Variants in TBC1D2 observed in about 807,000 individuals in gnomAD.
TBC1D2 encodes the protein TBC1 domain family member 2A.
A neutral mutation model predicts 91.1 loss-of-function variants in TBC1D2; 58 were observed. The ratio of observed to expected loss-of-function variants is 0.64; its 90% CI spans 0.52 to 0.79. The LOEUF (loss-of-function observed/expected upper bound fraction) is 0.79, where lower values mean the gene tolerates loss of function less well. Among genes scored for constraint, TBC1D2 ranks in the 30% least tolerant of loss-of-function variants. The pLI, the probability that TBC1D2 is intolerant of heterozygous loss-of-function variation, is 0.00. For synonymous variants in TBC1D2, 482 were observed against 511.5 expected (o/e 0.94, Z 0.78); for missense variants, 1,080 against 1,208.3 (o/e 0.89, Z 1.57).
At chr9:98,200,419 C>CA in intron 11 of TBC1D2, 45 bp from the exon 12 acceptor site, 1 of 1,558,806 alleles carries the variant, frequency 6.4e-7, no homozygotes, top group Non-Finnish European at 8.7e-7. Flanking sequence ...GGGGGCCAGG[C>CA]AGGTCATCCC....
At chr9:98,230,450 T>G (rs1829339567) in intron 4 of TBC1D2, among the ~76,000 whole-genome samples, 1 of 152,202 alleles carries the variant, frequency 6.6e-6, no homozygotes, top group Non-Finnish European at 1.5e-5. Context: ...ACCTATTTCT[T>G]GGGACTAAAG....
intron 9 of TBC1D2, 45 bp from the exon 10 acceptor site, chr9:98,203,453 C>T (rs1271526267): frequency 6.2e-7 from 1 of 1,607,680 alleles, no homozygotes; most frequent in South Asian, 1.1e-5. Flanking sequence ...AAGCCGTGGC[C>T]CTGCCAGGCA....
At chr9:98,250,051 C>A (rs1829839803) in intron 2 of TBC1D2, among the ~76,000 whole-genome samples, 1 of 152,058 alleles carries the variant, frequency 6.6e-6, no homozygotes, top group Non-Finnish European at 1.5e-5. Context: ...AACAGGTCTC[C>A]CTTGAAGTGT....
Position 98,221,111 on chromosome 9 carries a change from C to T in TBC1D2, c.1096G>A (p.Val366Met). Residue 366 changes from valine (V) to methionine (M), a missense_variant, in exon 6 of 13, where the codon GTG becomes ATG. Physicochemically the swap from Val to Met is conservative, Grantham distance 21. Coordinates refer to ENST00000465784, the MANE Select transcript of TBC1D2 (RefSeq NM_001267571.2). ...KDRLELVRHKVRQIAELGRRV... is the reference protein window; with the variant it reads ...KDRLELVRHKMRQIAELGRRV... ...CGGCCCAGCTCCGCGATCTGCCGCA[C>T]TTTGTGCCGCACCAGCTCCAGCCGG... 6.2e-7 allele frequency: 1 copy of T among 1,600,994 alleles called. No homozygotes were observed. Among genetic ancestry groups the T allele is most frequent in the East Asian group, 2.3e-5 (1 of 44,162 alleles).
chr9:98,246,502 A>T (rs1829766986), intron 2 of TBC1D2, among the ~76,000 whole-genome samples: 1 of 152,218 alleles, frequency 6.6e-6, no homozygotes, highest in South Asian at 2.1e-4. Flanking sequence ...TCCTCTCACC[A>T]AACACAGACT....
chr9:98,243,914 C>A (rs1829705705), intron 3 of TBC1D2, 80 bp downstream of exon 3: 2 of 1,531,484 alleles, frequency 1.3e-6, no homozygotes, highest in Admixed American at 4.0e-5. Flanking sequence ...CATCTCCCTG[C>A]AGGAGAATCA....
rs201139556 is a variant in TBC1D2 at position 98,208,825 on chromosome 9, G to C, written c.1993C>G (p.Pro665Ala). Residue 665 changes from proline (P) to alanine (A), a missense_variant, in exon 9 of 13, where the codon CCT (proline) becomes GCT (alanine). Pro to Ala is a conservative substitution (Grantham distance 27). Transcript: ENST00000465784. ...LLSRGQAREH[P>A]AARQIELDLN... Reference sequence around the variant, plus strand: ...TCCAGCTCAATCTGGCGGGCAGCAGGGTGCTCGCGGGCCTGGCCCCGGCTC... The same window carrying C: ...TCCAGCTCAATCTGGCGGGCAGCAGCGTGCTCGCGGGCCTGGCCCCGGCTC... 4 of 1,606,146 alleles carry C rather than the reference G, an allele frequency of 2.5e-6. No individual in the cohort carries two copies. In the Admixed American group the frequency reaches 6.7e-5, roughly 27 times the overall value.
chr9:98,219,813 T>C (rs1829051719), intron 6 of TBC1D2, among the ~76,000 whole-genome samples: 1 of 152,230 alleles, frequency 6.6e-6, no homozygotes, highest in Admixed American at 6.5e-5. Context: ...GCCTGTTATA[T>C]GGCATCTGAC....
intron 6 of TBC1D2, among the ~76,000 whole-genome samples, chr9:98,217,065 G>A (rs1380420926): frequency 6.6e-6 from 1 of 152,182 alleles, no homozygotes; most frequent in Admixed American, 6.5e-5. Context: ...TCCAGCTCTA[G>A]GGAAGGCACA....
chr9:98,247,153 C>T (rs1169211282), intron 2 of TBC1D2, among the ~76,000 whole-genome samples: 1 of 151,672 alleles, frequency 6.6e-6, no homozygotes, highest in African/African-American at 2.4e-5. Flanking sequence ...CGTGGGGAAA[C>T]CCATCTCTAC....
chr9:98,225,222 G>T (rs374855635), intron 5 of TBC1D2, among the ~76,000 whole-genome samples: 1 of 152,224 alleles, frequency 6.6e-6, no homozygotes, highest in South Asian at 2.1e-4. Context: ...ATCTGCCAGA[G>T]CAGACGGCCT....
chr9:98,219,588 T>A (rs371839192), intron 6 of TBC1D2, among the ~76,000 whole-genome samples: 1 of 152,238 alleles, frequency 6.6e-6, no homozygotes, highest in Non-Finnish European at 1.5e-5. Flanking sequence ...CCCAGCTAGA[T>A]GGTGTAGCCT....
At chr9:98,217,401 C>T (rs1332667572) in intron 6 of TBC1D2, among the ~76,000 whole-genome samples, 2 of 152,240 alleles carry the variant, frequency 1.3e-5, no homozygotes, top group South Asian at 4.1e-4. Flanking sequence ...CGGCTGTAGC[C>T]CTGCCTCTTG....
chr9:98,229,271 G>T, intron 4 of TBC1D2, 123 bp from the exon 5 acceptor site: 2 of 870,696 alleles, frequency 2.3e-6, no homozygotes, highest in South Asian at 1.8e-5. Context: ...TAATTTCGGA[G>T]CTCTGGATTT....
Position 98,243,987 on chromosome 9 carries a change from C to T in TBC1D2, c.647+7G>A. Reference sequence around the variant, plus strand: ...TTGGCTAGCCCCTCAGCTCCACTGGCACTTACTGTATTTCAGTCCCCAGGT... The same window carrying T: ...TTGGCTAGCCCCTCAGCTCCACTGGTACTTACTGTATTTCAGTCCCCAGGT... On this transcript the variant is annotated splice_region_variant and intron_variant, in intron 3 of 12. Coordinates refer to ENST00000465784, the MANE Select transcript of TBC1D2 (RefSeq NM_001267571.2). 1 of 1,598,898 alleles carries T rather than the reference C, an allele frequency of 6.3e-7. No homozygotes were observed. Among genetic ancestry groups the T allele is most frequent in the Non-Finnish European group, 8.5e-7 (1 of 1,172,914 alleles).
intron 6 of TBC1D2, chr9:98,213,467 C>T (rs1828488932): frequency 7.7e-7 from 1 of 1,291,744 alleles, no homozygotes; most frequent in Non-Finnish European, 9.9e-7. Flanking sequence ...GGCTGGAAGG[C>T]CTCAGGCAGG....
intron 3 of TBC1D2, among the ~76,000 whole-genome samples, chr9:98,236,715 G>A (rs1051946411): frequency 4.6e-5 from 7 of 152,310 alleles, no homozygotes; most frequent in African/African-American, 1.4e-4. Flanking sequence ...ACAAATGTAT[G>A]TGAAATGTAT....
At chr9:98,241,860 A>G (rs897421041) in intron 3 of TBC1D2, among the ~76,000 whole-genome samples, 6 of 152,330 alleles carry the variant, frequency 3.9e-5, no homozygotes, top group East Asian at 1.9e-4. Flanking sequence ...TCTCAAGCTT[A>G]GATCTCTCTC....
intron 4 of TBC1D2, among the ~76,000 whole-genome samples, chr9:98,231,279 C>CTTTTTTTTTTT (rs35195996): frequency 9.1e-5 from 7 of 76,716 alleles, no homozygotes; most frequent in Admixed American, 3.2e-4. Context: ...CTCAACTCTG[C>CTTTTTTTTTTT]TTTTTTTTTT....
Sources: gnomAD v4.1 joint callset for allele counts (sites outside exome capture counted in the v4.1 genomes callset) on GRCh38, gnomAD v4.1.1 for gene constraint, MANE v1.5 for transcripts, NCBI Gene and HGNC (gene_info 2026-07-23, HGNC 2026-07-21) for gene names.